SNX10: variants seen among roughly 807,000 people sequenced by gnomAD.
SNX10 encodes the protein sorting nexin-10.
Under a neutral mutation model 28.5 loss-of-function variants are expected in SNX10, and 25 were observed. That is an observed-to-expected ratio of 0.88 (90% CI 0.64 to 1.22). The LOEUF (loss-of-function observed/expected upper bound fraction) is 1.22, where lower values mean the gene tolerates loss of function less well. Among genes scored for constraint, SNX10 ranks in the 50% most tolerant of loss-of-function variants. The pLI, the probability that SNX10 is intolerant of heterozygous loss-of-function variation, is 0.00. For missense variants in SNX10, 223 were observed against 242.6 expected (o/e 0.92, Z 0.54); for synonymous variants, 62 against 81.4 (o/e 0.76, Z 1.28).
At chr7:26,323,790 T>G (rs918563308) in intron 1 of SNX10, among the ~76,000 whole-genome samples, 5 of 151,668 alleles carry the variant, frequency 3.3e-5, no homozygotes, top group African/African-American at 9.7e-5. Flanking sequence ...TAACCAGGAG[T>G]AGGGTTTCAG....
Position 26,313,142 on chromosome 7 carries a change from A to AAT in SNX10, c.-24+21058_-24+21059dup, listed in dbSNP as rs199502871. ...GAAGTGTGTTGCATTCACATCATGG[A>AAT]ATAGTACACAGCCACAAAAAGAGAA... is the stretch of plus-strand genomic sequence containing the variant. On this transcript the variant is annotated intron_variant, in intron 1 of 6. Coordinates refer to ENST00000338523, the MANE Select transcript of SNX10 (RefSeq NM_013322.3). Among the ~76,000 whole-genome samples, 15 of 152,346 alleles carry AAT rather than the reference A, an allele frequency of 9.8e-5. No individual in the cohort carries two copies. The East Asian group carries it at 2.7e-3, about 27-fold the overall frequency.
chr7:26,339,541 TTC>T (rs1238431886), intron 1 of SNX10, among the ~76,000 whole-genome samples: 4,081 of 40,086 alleles, frequency 0.1, 289 homozygotes, highest in African/African-American at 0.24. Flanking sequence ...TTTTTTTTTT[TTC>T]TTTTTTTTTT....
At chr7:26,331,312 G>A (rs1408248601) in intron 1 of SNX10, among the ~76,000 whole-genome samples, 3 of 152,198 alleles carry the variant, frequency 2.0e-5, no homozygotes, top group South Asian at 2.1e-4. Context: ...CAGGCCGGGC[G>A]TGGTGGCTCA....
At chr7:26,356,924 C>A in intron 2 of SNX10, 1 of 252,974 alleles carries the variant, frequency 4.0e-6, no homozygotes, top group Non-Finnish European at 7.2e-6. Flanking sequence ...ATTCATGGAG[C>A]CCAAGAACCC....
intron 2 of SNX10, among the ~76,000 whole-genome samples, chr7:26,350,944 C>CTT (rs371600901): frequency 6.7e-6 from 1 of 149,134 alleles, no homozygotes; most frequent in Admixed American, 6.7e-5. Context: ...ATCTTCATTC[C>CTT]TTTTTTTTTT....
At chr7:26,314,179 C>T (rs965960140) in intron 1 of SNX10, among the ~76,000 whole-genome samples, 9 of 152,102 alleles carry the variant, frequency 5.9e-5, no homozygotes, top group African/African-American at 2.2e-4. Flanking sequence ...CCTTTTTAAT[C>T]TTGTTAGACT....
chr7:26,310,846 C>T (rs773973175), intron 1 of SNX10, among the ~76,000 whole-genome samples: 1 of 151,992 alleles, frequency 6.6e-6, no homozygotes, highest in Non-Finnish European at 1.5e-5. Context: ...CCACGGCTGG[C>T]TAATTTTTTT....
rs555186373 is a variant in SNX10, at chr7:26,374,294, G to C, written c.*1722G>C. 6.6e-6 allele frequency: 1 copy of C among 151,698 alleles called. No homozygotes were observed. Among genetic ancestry groups the C allele is most frequent in the Non-Finnish European group, 1.5e-5 (1 of 67,854 alleles). 9.4% of individuals were successfully genotyped at this position (151,698 alleles called of 1,614,324 possible). On this transcript the variant is annotated 3_prime_UTR_variant, in exon 7 of 7. Transcript: ENST00000338523. ...CTAATACTTAGTATGTAAATGTCAC[G>C]AGATCATTTTTACATTAAACGTGAA...
intron 2 of SNX10, among the ~76,000 whole-genome samples, chr7:26,353,173 T>C (rs896871888): frequency 2.0e-5 from 3 of 152,170 alleles, no homozygotes; most frequent in Non-Finnish European, 4.4e-5. Flanking sequence ...TCTCAAAAAA[T>C]CATCATTCAG....
chr7:26,322,699 T>C (rs114437413), intron 1 of SNX10, among the ~76,000 whole-genome samples: 1 of 152,350 alleles, frequency 6.6e-6, no homozygotes, highest in African/African-American at 2.4e-5. Flanking sequence ...AAAATGGTCA[T>C]TTTGCAGAAT....
chr7:26,357,827 G>T (rs1464669127), intron 2 of SNX10, among the ~76,000 whole-genome samples: 2 of 152,094 alleles, frequency 1.3e-5, no homozygotes, highest in Admixed American at 6.5e-5. Flanking sequence ...CTGAGAAGGG[G>T]AGCAGGATGC....
intron 1 of SNX10, among the ~76,000 whole-genome samples, chr7:26,301,019 C>CAAA (rs1170123330): frequency 5.8e-3 from 58 of 9,968 alleles, no homozygotes; most frequent in African/African-American, 0.01. Context: ...ACTCTGTCTC[C>CAAA]AAAAAAAAAA....
At chr7:26,344,245 C>T (rs1788294250) in intron 1 of SNX10, among the ~76,000 whole-genome samples, 1 of 148,834 alleles carries the variant, frequency 6.7e-6, no homozygotes, top group Non-Finnish European at 1.5e-5. Context: ...AGTCTCAGCT[C>T]ACTGCAACTT....
chr7:26,348,990 T>C (rs1788493839), intron 2 of SNX10, among the ~76,000 whole-genome samples: 1 of 152,262 alleles, frequency 6.6e-6, no homozygotes, highest in Non-Finnish European at 1.5e-5. Flanking sequence ...TATTTTTATC[T>C]AATCAGCTCC....
chr7:26,339,312 C>T (rs1788078577), intron 1 of SNX10, among the ~76,000 whole-genome samples: 1 of 152,142 alleles, frequency 6.6e-6, no homozygotes, highest in Admixed American at 6.5e-5. Context: ...CCAGACTGGT[C>T]TCAAACTTTG....
intron 2 of SNX10, among the ~76,000 whole-genome samples, chr7:26,358,805 G>GTTTTTGTTTTTTTTTTTTTT (rs1554360948): frequency 2.0e-5 from 2 of 100,112 alleles, no homozygotes; most frequent in African/African-American, 8.8e-5. Context: ...GTTATCTTGT[G>GTTTTTGTTTTTTTTTTTTTT]TTTTTTTTTT....
chr7:26,347,836 C>T (rs35749074), intron 2 of SNX10, among the ~76,000 whole-genome samples: 56,313 of 151,856 alleles, frequency 0.37, 11,027 homozygotes, highest in South Asian at 0.61. Flanking sequence ...GGTGACAAAG[C>T]GAGACTCTGT....
intron 1 of SNX10, among the ~76,000 whole-genome samples, chr7:26,343,687 G>A (rs761912255): frequency 6.6e-6 from 1 of 152,174 alleles, no homozygotes; most frequent in Non-Finnish European, 1.5e-5. Context: ...GCCGTGTGGA[G>A]CACGTGATGT....
intron 1 of SNX10, among the ~76,000 whole-genome samples, chr7:26,334,924 C>T (rs1169105786): frequency 3.3e-5 from 5 of 152,192 alleles, no homozygotes; most frequent in African/African-American, 4.8e-5. Context: ...GCTTGCTCTG[C>T]AGGCCCTCCC....
Sources: allele counts gnomAD v4.1 joint callset (sites outside exome capture counted in the v4.1 genomes callset), GRCh38; gene constraint gnomAD v4.1.1; transcripts MANE v1.5; gene names NCBI Gene and HGNC (gene_info 2026-07-23, HGNC 2026-07-21).